ALK: variants seen among roughly 807,000 people sequenced by gnomAD.
The protein encoded by ALK is ALK receptor tyrosine kinase.
ALK carries 74 observed loss-of-function variants against 163.1 expected under a neutral mutation model. The observed-to-expected ratio is 0.45, with a 90% CI of 0.38 to 0.55. ALK has a LOEUF of 0.55. ALK is among the 20% of genes least tolerant of loss of function. The probability of loss-of-function intolerance (pLI) is 0.00; values close to 1 mark genes in which losing one functional copy is unlikely to be tolerated. For synonymous variants in ALK, 960 were observed against 843.2 expected (o/e 1.14, Z -2.40); for missense variants, 2,063 against 2,105.3 (o/e 0.98, Z 0.39).
chr2:29,232,797 A>T (rs1335753676), intron 14 of ALK, among the ~76,000 whole-genome samples: 1 of 152,122 alleles, frequency 6.6e-6, no homozygotes, highest in Non-Finnish European at 1.5e-5. Flanking sequence ...GATGCTGGTG[A>T]TTAGAAGCAG....
chr2:29,910,818 C>T (rs1441144744), intron 1 of ALK, among the ~76,000 whole-genome samples: 1 of 152,106 alleles, frequency 6.6e-6, no homozygotes, highest in Non-Finnish European at 1.5e-5. Context: ...TACAGAATAG[C>T]ACAACATTAA....
chr2:29,465,820 T>TA (rs906793439), intron 4 of ALK, among the ~76,000 whole-genome samples: 2 of 152,200 alleles, frequency 1.3e-5, no homozygotes, highest in Non-Finnish European at 2.9e-5. Flanking sequence ...TTAGGCAAAT[T>TA]AAAAAACATT....
intron 1 of ALK, among the ~76,000 whole-genome samples, chr2:29,839,834 C>T (rs1017334831): frequency 2.6e-5 from 4 of 152,004 alleles, no homozygotes; most frequent in African/African-American, 7.3e-5. Context: ...GGTGTTGTGT[C>T]GCTCTGTAAT....
intron 2 of ALK, among the ~76,000 whole-genome samples, chr2:29,700,009 A>G (rs73921162): frequency 0.047 from 7,175 of 152,232 alleles, 585 homozygotes; most frequent in African/African-American, 0.16. Context: ...TTGCATTTGG[A>G]AGATGAAAGA....
intron 1 of ALK, among the ~76,000 whole-genome samples, chr2:29,849,971 G>A (rs780896482): frequency 4.9e-4 from 74 of 152,198 alleles, no homozygotes; most frequent in Non-Finnish European, 7.8e-4. Flanking sequence ...TAGAGGAGAG[G>A]AAATTAGTGA....
At chr2:29,785,121 C>G (rs1275979205) in intron 1 of ALK, among the ~76,000 whole-genome samples, 1 of 152,162 alleles carries the variant, frequency 6.6e-6, no homozygotes, top group African/African-American at 2.4e-5. Flanking sequence ...GGCCTACACT[C>G]TGGCCACAGA....
chr2:29,562,621 G>T (rs897830178), intron 3 of ALK, among the ~76,000 whole-genome samples: 1 of 152,142 alleles, frequency 6.6e-6, no homozygotes, highest in Non-Finnish European at 1.5e-5. Flanking sequence ...GGAAAGAAGA[G>T]AGTGAAGAAG....
intron 4 of ALK, among the ~76,000 whole-genome samples, chr2:29,522,619 T>C (rs76591222): frequency 0.014 from 2,088 of 152,252 alleles, 57 homozygotes; most frequent in African/African-American, 0.048. Flanking sequence ...CAATGCTATT[T>C]GAGAAACCCT....
intron 1 of ALK, among the ~76,000 whole-genome samples, chr2:29,796,492 G>A (rs1664315210): frequency 6.6e-6 from 1 of 152,138 alleles, no homozygotes; most frequent in South Asian, 2.1e-4. Flanking sequence ...AGAATGAATT[G>A]ATTTTGTACC....
Position 29,332,285 on chromosome 2 carries a change from C to CAAAAAAAAAAAAAAA in ALK, c.1283-3819_1283-3805dup, listed in dbSNP as rs57598066. 1.6e-4 allele frequency among the ~76,000 whole-genome samples: 3 copies of CAAAAAAAAAAAAAAA among 18,358 alleles called. 1 individual carries two copies. The highest frequency in any genetic ancestry group is 2.3e-4 in the Non-Finnish European group (2 of 8,784). The allele number at this position is 18,358 out of a possible 152,430, so 12.0% of individuals were successfully genotyped here. On this transcript the variant is annotated intron_variant, in intron 5 of 28. Transcript: ENST00000389048. ...TAGGAGACAGAGTGAGACTCCATCT[C>CAAAAAAAAAAAAAAA]AAAAAAAAAAAAAAAAAAAAAAAAA...
In ALK at chr2:29,663,745, G is replaced by A. The variant is rs188749024; in HGVS notation, c.952+31105C>T. On this transcript the variant is annotated intron_variant, in intron 3 of 28. Coordinates refer to ENST00000389048, the MANE Select transcript of ALK (RefSeq NM_004304.5). ...CAAAATCTAACTGTGGGTATCAGTA[G>A]TTGTGAAAGTTTAAATTTTGTTCCA... 7.2e-5 allele frequency among the ~76,000 whole-genome samples: 11 copies of A among 152,264 alleles called. No individual in the cohort carries two copies. In the East Asian group the frequency reaches 2.1e-3, roughly 29 times the overall value.
chr2:29,193,989 T>TAGAG (rs1668960450), intron 28 of ALK, 67 bp from the exon 29 acceptor site: 1 of 1,444,928 alleles, frequency 6.9e-7, no homozygotes, highest in African/African-American at 1.4e-5. Flanking sequence ...GAAGATACCT[T>TAGAG]AGAGATGATG....
At chr2:29,555,638 A>T (rs1673833568) in intron 3 of ALK, among the ~76,000 whole-genome samples, 1 of 152,162 alleles carries the variant, frequency 6.6e-6, no homozygotes, top group Admixed American at 6.5e-5. Context: ...TAAATTCTGT[A>T]ACAAAAGCCC....
At chr2:29,638,697 A>G (rs183015781) in intron 3 of ALK, among the ~76,000 whole-genome samples, 13 of 152,176 alleles carry the variant, frequency 8.5e-5, no homozygotes, top group Admixed American at 7.2e-4. Context: ...CTTGCCCTAC[A>G]GTTTCTCTGT....
At chr2:29,216,256 G>T (rs1040751514) in intron 23 of ALK, among the ~76,000 whole-genome samples, 4 of 152,178 alleles carry the variant, frequency 2.6e-5, no homozygotes, top group Non-Finnish European at 5.9e-5. Context: ...GCTCCCCATG[G>T]TGGGTTTGCA....
At chr2:29,733,272 T>C (rs1164111913) in intron 1 of ALK, among the ~76,000 whole-genome samples, 2 of 152,160 alleles carry the variant, frequency 1.3e-5, no homozygotes, top group Non-Finnish European at 2.9e-5. Context: ...GGCAGCCAGG[T>C]CTTCTTATAG....
intron 12 of ALK, among the ~76,000 whole-genome samples, chr2:29,247,225 C>A (rs1664702859): frequency 6.6e-6 from 1 of 152,230 alleles, no homozygotes; most frequent in Non-Finnish European, 1.5e-5. Flanking sequence ...TCTCCCTACA[C>A]CCCACGGAGA....
At chr2:29,308,914 G>C (rs542725821) in intron 8 of ALK, among the ~76,000 whole-genome samples, 1 of 150,886 alleles carries the variant, frequency 6.6e-6, no homozygotes, top group East Asian at 1.9e-4. Context: ...TTTTTTTGTT[G>C]CTGTTTTTTA....
At chr2:29,498,608 A>G (rs1026040081) in intron 4 of ALK, among the ~76,000 whole-genome samples, 5 of 152,208 alleles carry the variant, frequency 3.3e-5, no homozygotes, top group South Asian at 4.2e-4. Context: ...AGGGGCCCCA[A>G]TGGAGCGGGG....
Sources: gnomAD v4.1 joint callset for allele counts (sites outside exome capture counted in the v4.1 genomes callset) on GRCh38, gnomAD v4.1.1 for gene constraint, MANE v1.5 for transcripts, NCBI Gene and HGNC (gene_info 2026-07-23, HGNC 2026-07-21) for gene names.